The following HTR4 variants were observed in gnomAD, a reference collection of about 807,000 sequenced individuals.
HTR4 encodes the protein 5-hydroxytryptamine receptor 4, also known as 5-hydroxytryptamine (serotonin) receptor 4, G protein-coupled.
In HTR4, 16 loss-of-function variants were observed where a neutral mutation model predicts 36.8. The observed-to-expected ratio is 0.43, with a 90% CI of 0.29 to 0.66. The LOEUF (loss-of-function observed/expected upper bound fraction) is 0.66. Among genes scored for constraint, HTR4 ranks in the 30% least tolerant of loss-of-function variants. The pLI is 0.13. For synonymous variants in HTR4, 189 were observed against 185.1 expected (o/e 1.02, Z -0.17); for missense variants, 438 against 490.9 (o/e 0.89, Z 1.02).
At chr5:148,576,228 CA>C (rs913942334) in intron 2 of HTR4, among the ~76,000 whole-genome samples, 1 of 149,262 alleles carries the variant, frequency 6.7e-6, no homozygotes, top group Admixed American at 6.7e-5. Context: ...ACAATTGCCA[CA>C]AAAAGAATAA....
chr5:148,471,532 A>G (rs1278789962), intron 5 of HTR4, among the ~76,000 whole-genome samples: 2 of 152,210 alleles, frequency 1.3e-5, no homozygotes, highest in East Asian at 1.9e-4. Context: ...TGGAGGAAAG[A>G]AAGATGTTAT....
chr5:148,613,623 G>C (rs1293559284), intron 2 of HTR4, among the ~76,000 whole-genome samples: 2 of 150,452 alleles, frequency 1.3e-5, no homozygotes, highest in East Asian at 4.0e-4. Flanking sequence ...ACTGGCACAA[G>C]ACAGGGTTGC....
Position 148,482,989 on chromosome 5 carries a change from A to C in HTR4, c.*214T>G. The C allele has an allele frequency of 7.0e-7, 1 of 1,420,520 alleles. No individual in the cohort carries two copies. The highest frequency in any genetic ancestry group is 9.2e-7 in the Non-Finnish European group (1 of 1,085,394). The allele number at this position is 1,420,520 out of a possible 1,614,324, so 88.0% of individuals were successfully genotyped here. ...GGGAAGAGGGAGTGTTGGGAAATAA[A>C]AAGTGAACAAGGAGGCCATTATGTC... is the stretch of plus-strand genomic sequence containing the variant. On this transcript the variant is annotated 3_prime_UTR_variant, in exon 7 of 7. Transcript: ENST00000377888.
intron 5 of HTR4, among the ~76,000 whole-genome samples, 193 bp downstream of exon 5, chr5:148,523,000 G>C (rs76072546): frequency 0.033 from 4,966 of 152,158 alleles, 121 homozygotes; most frequent in Non-Finnish European, 0.052. Context: ...ATTCAGAAAA[G>C]TCTAACTAAA....
At chr5:148,516,848 A>G (rs1757783566) in intron 5 of HTR4, among the ~76,000 whole-genome samples, 1 of 152,174 alleles carries the variant, frequency 6.6e-6, no homozygotes, top group Admixed American at 6.5e-5. Context: ...TCTTCTGGCA[A>G]GCAGATAGAA....
At chr5:148,489,901 C>T (rs1176224229) in intron 6 of HTR4, among the ~76,000 whole-genome samples, 1 of 151,984 alleles carries the variant, frequency 6.6e-6, no homozygotes, top group Admixed American at 6.6e-5. Flanking sequence ...GTTTAAAATC[C>T]CACATGTCTG....
intron 1 of HTR4, among the ~76,000 whole-genome samples, chr5:148,639,076 A>G (rs1287264867): frequency 6.6e-6 from 1 of 152,016 alleles, no homozygotes; most frequent in East Asian, 1.9e-4. Context: ...AAAAAGTAAA[A>G]GAAAGGAAGA....
chr5:148,488,453 A>T (rs183826844), intron 6 of HTR4, among the ~76,000 whole-genome samples: 1 of 152,358 alleles, frequency 6.6e-6, no homozygotes, highest in African/African-American at 2.4e-5. Flanking sequence ...TTGCATTTGT[A>T]TTAAAAATCA....
chr5:148,624,290 G>A (rs932639546), intron 2 of HTR4, among the ~76,000 whole-genome samples: 1 of 152,130 alleles, frequency 6.6e-6, no homozygotes, highest in Non-Finnish European at 1.5e-5. Context: ...AGGTTTGGCT[G>A]GTTGGTTCCA....
chr5:148,490,530 A>G, intron 6 of HTR4: 7 of 1,109,418 alleles, frequency 6.3e-6, no homozygotes, highest in South Asian at 2.2e-5. Flanking sequence ...CTGTGGGACG[A>G]TGCTTATGAT....
intron 2 of HTR4, among the ~76,000 whole-genome samples, chr5:148,566,143 TA>T (rs1760429476): frequency 6.6e-6 from 1 of 152,204 alleles, no homozygotes; most frequent in South Asian, 2.1e-4. Context: ...ATAAACAATT[TA>T]TTAATACACA....
intron 2 of HTR4, among the ~76,000 whole-genome samples, chr5:148,558,115 A>G (rs1325974230): frequency 2.0e-5 from 3 of 152,034 alleles, no homozygotes; most frequent in Non-Finnish European, 2.9e-5. Flanking sequence ...CCAGCCCTGC[A>G]CAGTCTTTTG....
At chr5:148,599,923 A>G (rs138486972) in intron 2 of HTR4, among the ~76,000 whole-genome samples, 172 of 152,048 alleles carry the variant, frequency 1.1e-3, no homozygotes, top group Middle Eastern at 3.4e-3. Context: ...AATAACCATT[A>G]AGGAATATAC....
downstream of HTR4, among the ~76,000 whole-genome samples, chr5:148,472,878 T>C (rs1318064806): frequency 6.6e-6 from 1 of 152,152 alleles, no homozygotes; most frequent in African/African-American, 2.4e-5. Flanking sequence ...AGTTTTTGAG[T>C]AGAGTTGCTG....
chr5:148,451,664 G>A (rs1754976692), intron 5 of HTR4, among the ~76,000 whole-genome samples: 1 of 152,082 alleles, frequency 6.6e-6, no homozygotes, highest in African/African-American at 2.4e-5. Flanking sequence ...ATAGTTTTGG[G>A]TTCTGACTGC....
At chr5:148,609,466 A>C (rs1581539772) in intron 2 of HTR4, among the ~76,000 whole-genome samples, 1 of 152,324 alleles carries the variant, frequency 6.6e-6, no homozygotes, top group Admixed American at 6.5e-5. Context: ...TACTTATTAC[A>C]GTTCTCAAGA....
chr5:148,598,573 G>A (rs1761870686), intron 2 of HTR4, among the ~76,000 whole-genome samples: 2 of 151,962 alleles, frequency 1.3e-5, no homozygotes, highest in Non-Finnish European at 2.9e-5. Context: ...AAAAAAGCCA[G>A]TAGTTGAGAT....
intron 2 of HTR4, among the ~76,000 whole-genome samples, chr5:148,583,415 C>G (rs1761223044): frequency 6.6e-6 from 1 of 150,386 alleles, no homozygotes; most frequent in African/African-American, 2.5e-5. Context: ...GCACATGTAC[C>G]CTAAAACTTA....
intron 2 of HTR4, among the ~76,000 whole-genome samples, chr5:148,579,336 C>T (rs921544665): frequency 1.3e-5 from 2 of 152,004 alleles, no homozygotes; most frequent in Non-Finnish European, 2.9e-5. Flanking sequence ...GTTATACTTG[C>T]AGTTAGTCTA....
Sources: allele counts gnomAD v4.1 joint callset (sites outside exome capture counted in the v4.1 genomes callset), GRCh38; gene constraint gnomAD v4.1.1; transcripts MANE v1.5; gene names NCBI Gene and HGNC (gene_info 2026-07-23, HGNC 2026-07-21).